Variants in TASP1 observed in about 807,000 individuals in gnomAD.
TASP1 encodes threonine aspartase 1.
Under a neutral mutation model 56.6 loss-of-function variants are expected in TASP1, and 16 were observed. The ratio of observed to expected loss-of-function variants is 0.28; its 90% CI spans 0.19 to 0.43. The LOEUF (loss-of-function observed/expected upper bound fraction) is 0.43. Ranked by LOEUF, TASP1 falls within the 20% of genes least tolerant of loss-of-function variation. TASP1 has a pLI of 1.00. For synonymous variants in TASP1, 179 were observed against 184.2 expected, an observed-to-expected ratio of 0.97 and a Z score of 0.23; for missense variants, 393 against 511.6, an observed-to-expected ratio of 0.77 and a Z score of 2.24.
the TASP1 span, among the ~76,000 whole-genome samples, chr20:13,202,432 G>A: frequency 6.6e-6 from 1 of 152,136 alleles, no homozygotes; most frequent in Non-Finnish European, 1.5e-5. Context: ...GTACATTTAT[G>A]TAATTTAATT....
chr20:13,296,596 T>C, the TASP1 span, among the ~76,000 whole-genome samples: 1 of 152,070 alleles, frequency 6.6e-6, no homozygotes, highest in Non-Finnish European at 1.5e-5. Flanking sequence ...GATTGGAGAA[T>C]GCTCTACCCT....
In TASP1 at chr20:13,587,379, C is replaced by T; in HGVS notation, c.283-9G>A. The T allele has an allele frequency of 6.3e-7, 1 of 1,579,008 alleles. No homozygotes were observed. The highest frequency in any genetic ancestry group is 8.6e-7 in the Non-Finnish European group (1 of 1,164,848). ...TTTGTAAAAGGAGAATCCTAAAAGA[C>T]AAAAACAAAAATTAAAATATCATTA... On this transcript the variant is annotated splice_polypyrimidine_tract_variant and intron_variant, in intron 4 of 13. Transcript: ENST00000337743.
the TASP1 span, among the ~76,000 whole-genome samples, chr20:13,198,569 T>C: frequency 6.6e-6 from 1 of 152,226 alleles, no homozygotes; most frequent in Non-Finnish European, 1.5e-5. Context: ...ACATGAGATC[T>C]ACCCTCTTAA....
chr20:13,225,067 A>G, the TASP1 span, among the ~76,000 whole-genome samples: 26 of 149,844 alleles, frequency 1.7e-4, no homozygotes, highest in African/African-American at 6.1e-4. Context: ...GTTAGCCAGG[A>G]TGGTCTCACT....
At chr20:13,268,785 C>T in the TASP1 span, among the ~76,000 whole-genome samples, 10 of 152,212 alleles carry the variant, frequency 6.6e-5, no homozygotes, top group Middle Eastern at 3.4e-3. Flanking sequence ...CTTGGTGGAA[C>T]GTGCCTGTAA....
chr20:13,198,256 A>G, the TASP1 span, among the ~76,000 whole-genome samples: 1 of 152,106 alleles, frequency 6.6e-6, no homozygotes, highest in Non-Finnish European at 1.5e-5. Flanking sequence ...TTAGGAATTT[A>G]TTTTTCACTG....
At chr20:13,419,622 C>T (rs142268029) in intron 12 of TASP1, among the ~76,000 whole-genome samples, 4 of 152,300 alleles carry the variant, frequency 2.6e-5, no homozygotes, top group Admixed American at 2.0e-4. Flanking sequence ...GTCCCCCAGG[C>T]CATCCATCTG....
the TASP1 span, among the ~76,000 whole-genome samples, chr20:13,274,259 T>C: frequency 2.0e-5 from 3 of 152,128 alleles, no homozygotes; most frequent in African/African-American, 7.2e-5. Context: ...CTCAGAGCAC[T>C]GTTCTTTTGT....
intron 13 of TASP1, among the ~76,000 whole-genome samples, chr20:13,415,698 T>C (rs1368141531): frequency 6.6e-6 from 1 of 152,086 alleles, no homozygotes; most frequent in Non-Finnish European, 1.5e-5. Flanking sequence ...GACTCTACAC[T>C]CTTTCCTACC....
intron 13 of TASP1, among the ~76,000 whole-genome samples, chr20:13,397,841 A>G (rs6079043): frequency 0.52 from 79,678 of 151,990 alleles, 23,000 homozygotes; most frequent in Non-Finnish European, 0.65. Flanking sequence ...TGATTTTGAC[A>G]TTCTACGGAG....
At chr20:13,361,538 T>C in the TASP1 span, among the ~76,000 whole-genome samples, 2 of 152,186 alleles carry the variant, frequency 1.3e-5, no homozygotes, top group African/African-American at 2.4e-5. Flanking sequence ...CTTTTACCAC[T>C]TTCCCTTCTC....
chr20:13,620,682 C>T (rs2048682611), intron 4 of TASP1, among the ~76,000 whole-genome samples: 1 of 152,180 alleles, frequency 6.6e-6, no homozygotes, highest in African/African-American at 2.4e-5. Context: ...CATGACTTAA[C>T]TGAATAGACT....
intron 4 of TASP1, among the ~76,000 whole-genome samples, chr20:13,605,207 G>A (rs111516783): frequency 4.6e-5 from 7 of 152,098 alleles, no homozygotes; most frequent in African/African-American, 1.7e-4. Flanking sequence ...GGATAGGTAT[G>A]AGGGAAATTT....
At chr20:13,477,307 T>G (rs147876679) in intron 11 of TASP1, among the ~76,000 whole-genome samples, 82 of 152,214 alleles carry the variant, frequency 5.4e-4, no homozygotes, top group African/African-American at 1.8e-3. Flanking sequence ...CTTTTTAAAA[T>G]CGTAATACTA....
intron 12 of TASP1, among the ~76,000 whole-genome samples, chr20:13,421,635 A>G (rs771614392): frequency 7.2e-5 from 11 of 152,198 alleles, no homozygotes; most frequent in Non-Finnish European, 1.0e-4. Flanking sequence ...TTAAAATCAC[A>G]AGATACCATT....
At chr20:13,545,867 C>T (rs964036575) in intron 8 of TASP1, among the ~76,000 whole-genome samples, 1 of 152,118 alleles carries the variant, frequency 6.6e-6, no homozygotes. Flanking sequence ...TTTCTTTCTA[C>T]CCAGACATAT....
At chr20:13,170,613 C>T in the TASP1 span, among the ~76,000 whole-genome samples, 2 of 152,152 alleles carry the variant, frequency 1.3e-5, no homozygotes, top group Non-Finnish European at 2.9e-5. Context: ...CATATAACAG[C>T]GCTCCCTTTT....
chr20:13,594,998 G>C (rs1050732601), intron 4 of TASP1, among the ~76,000 whole-genome samples: 6 of 152,144 alleles, frequency 3.9e-5, no homozygotes, highest in Non-Finnish European at 8.8e-5. Context: ...TACCCACAAA[G>C]GGAAGCCCAT....
intron 10 of TASP1, among the ~76,000 whole-genome samples, chr20:13,486,161 C>T (rs1056525884): frequency 6.6e-6 from 1 of 152,098 alleles, no homozygotes; most frequent in Non-Finnish European, 1.5e-5. Context: ...CTACAAAATT[C>T]CAAGGTTTCT....
Sources: gnomAD v4.1 joint callset for allele counts (sites outside exome capture counted in the v4.1 genomes callset) on GRCh38, gnomAD v4.1.1 for gene constraint, MANE v1.5 for transcripts, NCBI Gene and HGNC (gene_info 2026-07-23, HGNC 2026-07-21) for gene names.